SHC3: variants seen among roughly 807,000 people sequenced by gnomAD.
The protein encoded by SHC3 is SHC adaptor protein 3.
A neutral mutation model predicts 60.4 loss-of-function variants in SHC3; 15 were observed. The ratio of observed to expected loss-of-function variants is 0.25; its 90% confidence interval spans 0.17 to 0.38. The LOEUF is 0.38. Among genes scored for constraint, SHC3 ranks in the 10% least tolerant of loss-of-function variants. The probability of loss-of-function intolerance (pLI) is 1.00; values close to 1 mark genes in which losing one functional copy is unlikely to be tolerated. For synonymous variants in SHC3, 294 were observed against 325.9 expected (o/e 0.90, Z 1.05); for missense variants, 677 against 786.1 (o/e 0.86, Z 1.66).
At chr9:89,144,099 A>G (rs868433932) in intron 1 of SHC3, among the ~76,000 whole-genome samples, 3 of 152,142 alleles carry the variant, frequency 2.0e-5, no homozygotes, top group Admixed American at 2.0e-4. Flanking sequence ...AGTTCCATGA[A>G]CCTGAGAAAT....
chr9:89,028,603 A>G (rs1824412503), intron 11 of SHC3, among the ~76,000 whole-genome samples: 2 of 138,962 alleles, frequency 1.4e-5, no homozygotes, highest in Admixed American at 6.9e-5. Flanking sequence ...TTATGTGTAT[A>G]TATATGCTAT....
At chr9:89,135,129 A>G (rs900958861) in intron 1 of SHC3, among the ~76,000 whole-genome samples, 1 of 152,196 alleles carries the variant, frequency 6.6e-6, no homozygotes, top group Non-Finnish European at 1.5e-5. Context: ...GTAACAGGAA[A>G]CAATTAGAGA....
At chr9:89,127,999 C>T (rs1288596106) in intron 1 of SHC3, among the ~76,000 whole-genome samples, 2 of 152,062 alleles carry the variant, frequency 1.3e-5, no homozygotes, top group African/African-American at 4.8e-5. Context: ...AAGAAACTGG[C>T]AAATGAAAAA....
chr9:89,031,453 G>T (rs1824491144), intron 11 of SHC3, among the ~76,000 whole-genome samples: 1 of 152,090 alleles, frequency 6.6e-6, no homozygotes, highest in Non-Finnish European at 1.5e-5. Flanking sequence ...GGTCTCTGTA[G>T]ATTTTTTCAT....
intron 1 of SHC3, among the ~76,000 whole-genome samples, chr9:89,124,863 A>T (rs1198876605): frequency 6.6e-6 from 1 of 152,168 alleles, no homozygotes; most frequent in Non-Finnish European, 1.5e-5. Flanking sequence ...ATAAAAAAAA[A>T]AATAAGAAAT....
chr9:89,094,272 T>G (rs150557290), intron 2 of SHC3, among the ~76,000 whole-genome samples: 1 of 152,276 alleles, frequency 6.6e-6, no homozygotes, highest in Non-Finnish European at 1.5e-5. Context: ...AAAAATATGT[T>G]GAAAGTGATT....
At chr9:89,030,005 G>A (rs1171484049) in intron 11 of SHC3, among the ~76,000 whole-genome samples, 1 of 151,970 alleles carries the variant, frequency 6.6e-6, no homozygotes, top group East Asian at 1.9e-4. Context: ...AAAACAAACA[G>A]ATTGAAAATA....
At chr9:89,124,074 CAT>C (rs958510288) in intron 1 of SHC3, among the ~76,000 whole-genome samples, 4 of 150,008 alleles carry the variant, frequency 2.7e-5, no homozygotes, top group Admixed American at 6.6e-5. Flanking sequence ...TGCCAGCAAA[CAT>C]ATGAAAAAAA....
chr9:89,046,073 A>ACC (rs112478625), intron 8 of SHC3, among the ~76,000 whole-genome samples: 2 of 104,102 alleles, frequency 1.9e-5, no homozygotes, highest in African/African-American at 3.7e-5. Flanking sequence ...TGTTTTCATT[A>ACC]CCCCCCCCAC....
Position 89,113,702 on chromosome 9 carries a change from T to C in SHC3, c.475-1076A>G, listed in dbSNP as rs190864309. Among the ~76,000 whole-genome samples, 372 of 152,282 alleles carry C rather than the reference T, an allele frequency of 2.4e-3. 3 individuals are homozygous for C. The highest frequency in any genetic ancestry group is 8.6e-3 in the African/African-American group (358 of 41,562). On this transcript the variant is annotated intron_variant, in intron 1 of 11. Coordinates refer to ENST00000375835, the MANE Select transcript of SHC3 (RefSeq NM_016848.6). Reference sequence around the variant, plus strand: ...CAACAAACTTTGCAGACTCGGGGGATTACCATACCTAACACCATTAGAGTT... The same window carrying C: ...CAACAAACTTTGCAGACTCGGGGGACTACCATACCTAACACCATTAGAGTT...
chr9:89,050,903 C>CT (rs5899064), intron 7 of SHC3, among the ~76,000 whole-genome samples: 31,091 of 144,452 alleles, frequency 0.22, 5,172 homozygotes, highest in African/African-American at 0.47. Context: ...TTCTTTCGTT[C>CT]TTTTTTTTTT....
At chr9:89,143,325 A>G (rs150840865) in intron 1 of SHC3, among the ~76,000 whole-genome samples, 6 of 152,206 alleles carry the variant, frequency 3.9e-5, no homozygotes, top group Non-Finnish European at 8.8e-5. Flanking sequence ...TCTCATTGCC[A>G]TCTTGGTTTT....
intron 2 of SHC3, among the ~76,000 whole-genome samples, chr9:89,099,791 C>G (rs796819532): frequency 1.3e-5 from 2 of 152,178 alleles, no homozygotes; most frequent in East Asian, 3.9e-4. Context: ...AAGGGTGCAT[C>G]TTGGAATTAA....
At chr9:89,103,779 G>A (rs1825817126) in intron 2 of SHC3, among the ~76,000 whole-genome samples, 2 of 152,142 alleles carry the variant, frequency 1.3e-5, no homozygotes, top group African/African-American at 4.8e-5. Context: ...TTAAACATGG[G>A]GGAACTGAGA....
At chr9:89,052,276 A>G (rs1181762831) in intron 6 of SHC3, 113 bp from the exon 7 acceptor site, 2 of 1,340,770 alleles carry the variant, frequency 1.5e-6, no homozygotes, top group South Asian at 1.4e-5. Flanking sequence ...TGCTTCTTCC[A>G]TAATATGTCC....
intron 2 of SHC3, among the ~76,000 whole-genome samples, chr9:89,104,392 T>C (rs755150215): frequency 2.6e-5 from 4 of 152,202 alleles, no homozygotes; most frequent in East Asian, 1.9e-4. Flanking sequence ...GGCTCAGCAA[T>C]CTGTGTTGTA....
intron 8 of SHC3, among the ~76,000 whole-genome samples, chr9:89,046,052 GC>G (rs907388718): frequency 3.6e-5 from 5 of 139,082 alleles, no homozygotes; most frequent in Non-Finnish European, 7.7e-5. Flanking sequence ...AACTACACAT[GC>G]CCCCCCGCTT....
intron 6 of SHC3, among the ~76,000 whole-genome samples, chr9:89,054,418 A>T (rs994709144): frequency 3.7e-4 from 57 of 152,210 alleles, no homozygotes; most frequent in African/African-American, 1.2e-3. Context: ...TTCCTTCTAT[A>T]AAATGGCCTC....
At chr9:89,065,125 C>T (rs1169013192) in intron 6 of SHC3, among the ~76,000 whole-genome samples, 1 of 152,170 alleles carries the variant, frequency 6.6e-6, no homozygotes, top group Admixed American at 6.5e-5. Context: ...AGCTCAGACA[C>T]TAACCTCTAG....
Sources: allele counts gnomAD v4.1 joint callset (sites outside exome capture counted in the v4.1 genomes callset), GRCh38; gene constraint gnomAD v4.1.1; transcripts MANE v1.5; gene names NCBI Gene and HGNC (gene_info 2026-07-23, HGNC 2026-07-21).